EBF3: variants seen among roughly 807,000 people sequenced by gnomAD.
The protein encoded by EBF3 is transcription factor COE3.
In EBF3, 18 loss-of-function variants were observed where a neutral mutation model predicts 77.1. The ratio of observed to expected loss-of-function variants is 0.23; its 90% confidence interval spans 0.16 to 0.35. EBF3 has a LOEUF of 0.35. Ranked by LOEUF, EBF3 falls within the 10% of genes least tolerant of loss-of-function variation. The pLI is 1.00. For missense variants in EBF3, 558 were observed against 860.0 expected, an observed-to-expected ratio of 0.65 and a Z score of 4.39; for synonymous variants, 350 against 343.5, an observed-to-expected ratio of 1.02 and a Z score of -0.21.
At chr10:129,954,553 C>T (rs979178591) in intron 6 of EBF3, among the ~76,000 whole-genome samples, 3 of 152,064 alleles carry the variant, frequency 2.0e-5, no homozygotes, top group Non-Finnish European at 4.4e-5. Context: ...CCTGCCAGAG[C>T]GAGGAGCTTA....
At chr10:129,923,455 G>A (rs1856448543) in intron 6 of EBF3, among the ~76,000 whole-genome samples, 3 of 152,182 alleles carry the variant, frequency 2.0e-5, no homozygotes, top group African/African-American at 7.2e-5. Context: ...CAGACCAATG[G>A]GACAGAATGG....
chr10:129,880,001 T>A (rs1209622984), intron 6 of EBF3, among the ~76,000 whole-genome samples: 1 of 152,102 alleles, frequency 6.6e-6, no homozygotes. Context: ...AGGAGCTTTG[T>A]TTGTGATTTG....
At position 129,867,754 on chromosome 10, in the gene EBF3, G is replaced by A. The variant is rs201480239; in HGVS notation, c.912+28C>T. ...ATCCATTCATGAAGACAGCAACAGC[G>A]CGAAGCTGACCGAGTCCGCGGGCTT... On this transcript the variant is annotated intron_variant, in intron 9 of 16. Coordinates refer to ENST00000440978, the MANE Select transcript of EBF3 (RefSeq NM_001375380.1). 2,553 of 1,612,748 alleles carry A rather than the reference G, an allele frequency of 1.6e-3. 7 individuals are homozygous for A. Among genetic ancestry groups the A allele is most frequent in the Non-Finnish European group, 2.0e-3 (2,326 of 1,179,116 alleles).
chr10:129,938,035 T>C lies in EBF3; in HGVS notation c.554+19223A>G, dbSNP rs1329672048. Among the ~76,000 whole-genome samples, 1 of 152,234 alleles carries C rather than the reference T, an allele frequency of 6.6e-6. No individual in the cohort carries two copies. Among genetic ancestry groups the C allele is most frequent in the Admixed American group, 6.5e-5 (1 of 15,288 alleles). ...AAATGGTACAAGCTATTTTCTGGCATGTTCATTGACATCACATACACAATC... is the reference window on the plus strand; with the variant it reads ...AAATGGTACAAGCTATTTTCTGGCACGTTCATTGACATCACATACACAATC... On this transcript the variant is annotated intron_variant, in intron 6 of 16. Transcript: ENST00000440978. The surrounding 1 kb of genome is among the most constrained non-coding windows in gnomAD (Gnocchi z 5.1).
rs1305992594 is a variant in EBF3 at position 129,897,098 on chromosome 10, G to A, written c.555-19249C>T. 1.3e-5 allele frequency among the ~76,000 whole-genome samples: 2 copies of A among 152,210 alleles called. No individual in the cohort carries two copies. The highest frequency in any genetic ancestry group is 2.1e-4 in the South Asian group (1 of 4,830). On this transcript the variant is annotated intron_variant, in intron 6 of 16. Transcript: ENST00000440978. The surrounding 1 kb of genome is among the most constrained non-coding windows in gnomAD (Gnocchi z 4.6). ...ACCTGAGCAGAGATGGGCCTAGACG[G>A]GCAGTTGGAGCTGGGAGACAGGAAG...
chr10:129,899,597 G>A (rs968406427), intron 6 of EBF3, among the ~76,000 whole-genome samples: 2 of 152,178 alleles, frequency 1.3e-5, no homozygotes, highest in Non-Finnish European at 2.9e-5. Flanking sequence ...TCTTTGAAAT[G>A]GCCAGATCCA....
chr10:129,879,065 C>T lies in EBF3; in HGVS notation c.555-1216G>A, dbSNP rs1207515544. 1.3e-5 allele frequency among the ~76,000 whole-genome samples: 2 copies of T among 152,082 alleles called. No homozygotes were observed. Among genetic ancestry groups the T allele is most frequent in the East Asian group, 3.9e-4 (2 of 5,176 alleles). ...GTGTGTTGAGATGCTGTGACTAAAA[C>T]GTCATCATGTTGTCCTCCGCATTCC... On this transcript the variant is annotated intron_variant, in intron 6 of 16. Transcript: ENST00000440978. This position sits in a 1 kb window ranked among gnomAD's most constrained non-coding sequence, Gnocchi z 4.7.
Position 129,954,673 on chromosome 10 carries a change from GT to G in EBF3, c.554+2584del, listed in dbSNP as rs1858914358. ...ATCTCAATTCAGGTTGGAATTATTG[GT>G]TTATATCCTCAGGACAAATATGCCT... On this transcript the variant is annotated intron_variant, in intron 6 of 16. Coordinates refer to ENST00000440978, the MANE Select transcript of EBF3 (RefSeq NM_001375380.1). Among the ~76,000 whole-genome samples, 6 of 152,124 alleles carry G rather than the reference GT, an allele frequency of 3.9e-5. No individual in the cohort carries two copies. In the South Asian group the frequency reaches 1.0e-3, roughly 26 times the overall value.
intron 6 of EBF3, among the ~76,000 whole-genome samples, chr10:129,951,228 T>A (rs745725196): frequency 7.2e-5 from 11 of 152,234 alleles, no homozygotes; most frequent in Non-Finnish European, 2.9e-5. Flanking sequence ...TTGCTTCCTG[T>A]AAGCATGCGT....
chr10:129,842,825 C>G lies in EBF3; in HGVS notation c.1194+312G>C, dbSNP rs1359986308. On this transcript the variant is annotated intron_variant, in intron 12 of 16. Coordinates refer to ENST00000440978, the MANE Select transcript of EBF3 (RefSeq NM_001375380.1). The surrounding 1 kb of genome is among the most constrained non-coding windows in gnomAD (Gnocchi z 4.4). ...GTTCTGTCCTGCATGCTGTGGGGCG[C>G]CCATCCAGCCCTCCCTGGTTCCCAG... 5.9e-5 allele frequency among the ~76,000 whole-genome samples: 9 copies of G among 151,808 alleles called. No individual in the cohort carries two copies. The highest frequency in any genetic ancestry group is 1.3e-4 in the Non-Finnish European group (9 of 67,986).
At chr10:129,953,987 T>C (rs1415328947) in intron 6 of EBF3, among the ~76,000 whole-genome samples, 1 of 152,218 alleles carries the variant, frequency 6.6e-6, no homozygotes, top group Non-Finnish European at 1.5e-5. Context: ...GTGTTCCTAA[T>C]GAAGACCATC....
intron 7 of EBF3, among the ~76,000 whole-genome samples, chr10:129,877,222 G>A (rs755688485): frequency 6.6e-6 from 1 of 152,108 alleles, no homozygotes; most frequent in Non-Finnish European, 1.5e-5. Context: ...TGGGCACGGT[G>A]GCTCACGCCT....
intron 6 of EBF3, among the ~76,000 whole-genome samples, chr10:129,946,621 C>G (rs1858244817): frequency 6.6e-6 from 1 of 152,168 alleles, no homozygotes; most frequent in South Asian, 2.1e-4. Flanking sequence ...TGAGCTTTCT[C>G]TTGGATTGTT....
chr10:129,867,961 C>T lies in EBF3; in HGVS notation c.782-49G>A, dbSNP rs777299450. 9.6e-5 allele frequency: 153 copies of T among 1,593,462 alleles called. 1 individual carries two copies. Among genetic ancestry groups the T allele is most frequent in the Admixed American group, 3.4e-4 (20 of 59,364 alleles). ...CAGACCTTAGAGCCCCGTCCTCCTC[C>T]GACGCTGGGCCGCTCGGCCACCGCG... On this transcript the variant is annotated intron_variant, in intron 8 of 16. Transcript: ENST00000440978.
At chr10:129,873,387 C>A in intron 8 of EBF3, 65 bp downstream of exon 8, 1 of 1,427,082 alleles carries the variant, frequency 7.0e-7, no homozygotes, top group Non-Finnish European at 9.2e-7. Flanking sequence ...CATGAATGAA[C>A]ATAAAGGATG....
At chr10:129,909,286 C>T (rs1347311382) in intron 6 of EBF3, among the ~76,000 whole-genome samples, 3 of 152,180 alleles carry the variant, frequency 2.0e-5, no homozygotes, top group Non-Finnish European at 2.9e-5. Context: ...GCCATGAACA[C>T]GGGGATCCCC....
At chr10:129,891,587 G>C (rs1490922093) in intron 6 of EBF3, among the ~76,000 whole-genome samples, 1 of 152,186 alleles carries the variant, frequency 6.6e-6, no homozygotes, top group African/African-American at 2.4e-5. Flanking sequence ...TTTTGCAGAA[G>C]TCAGAGTTAA....
Position 129,963,585 on chromosome 10 carries a change from G to A in EBF3, c.134+50C>T, listed in dbSNP as rs763996767. ...GCGGCGCCGGCCGGCGGAGGGGGCC[G>A]GGCCGGGCCGGGGCCGGGGCCAGGG... is the stretch of plus-strand genomic sequence containing the variant. On this transcript the variant is annotated intron_variant, in intron 1 of 16. Transcript: ENST00000440978. This position sits in a 1 kb window ranked among gnomAD's most constrained non-coding sequence, Gnocchi z 7.1. 6 of 1,244,906 alleles carry A rather than the reference G, an allele frequency of 4.8e-6. No homozygotes were observed. Among genetic ancestry groups the A allele is most frequent in the Admixed American group, 4.6e-5 (1 of 21,746 alleles). 77.1% of individuals were successfully genotyped at this position (1,244,906 alleles called of 1,614,324 possible). A position where few individuals can be genotyped will look rare whatever the true frequency, so the allele number is the denominator to read the frequency against.
At chr10:129,898,842 G>A (rs1031022267) in intron 6 of EBF3, among the ~76,000 whole-genome samples, 34 of 152,148 alleles carry the variant, frequency 2.2e-4, no homozygotes, top group Admixed American at 9.8e-4. Context: ...CCCGCGCCCA[G>A]GCCCCGCTGC....
Sources: allele counts gnomAD v4.1 joint callset (sites outside exome capture counted in the v4.1 genomes callset), GRCh38; gene constraint gnomAD v4.1.1; non-coding constraint Gnocchi (gnomAD v3.1); transcripts MANE v1.5; gene names NCBI Gene and HGNC (gene_info 2026-07-23, HGNC 2026-07-21).